Variants in TECTA observed in about 807,000 individuals in gnomAD.
The protein encoded by TECTA is alpha-tectorin.
A neutral mutation model predicts 216.8 loss-of-function variants in TECTA; 128 were observed. The observed-to-expected ratio is 0.59, with a 90% CI of 0.51 to 0.68. TECTA has a LOEUF of 0.68. Ranked by LOEUF, TECTA falls within the 30% of genes least tolerant of loss-of-function variation. The pLI is 0.00. For missense variants in TECTA, 2,551 were observed against 2,786.2 expected (o/e 0.92, Z 1.90); for synonymous variants, 1,089 against 1,117.1 (o/e 0.97, Z 0.50).
Position 121,145,775 on chromosome 11 carries a change from C to T in TECTA, c.3764C>T (p.Pro1255Leu). 6.2e-7 allele frequency: 1 copy of T among 1,614,188 alleles called. No homozygotes were observed. Among genetic ancestry groups the T allele is most frequent in the Non-Finnish European group, 8.5e-7 (1 of 1,180,034 alleles). ...AACCCTGATGATGACCTGGAGATGC[C>T]CATGGGTCTGCTTGCATCGAGTGTC... Reference protein sequence around the residue: ...NGNPDDDLEMPMGLLASSVNE... With the variant: ...NGNPDDDLEMLMGLLASSVNE... The change falls in exon 12 of 24, where the codon CCC becomes CTC. Residue 1255 changes from proline (P) to leucine (L), a missense_variant. By Grantham distance (98) the Pro-to-Leu change is moderately conservative. This residue lies in a region of TECTA where 2,375 missense variants were observed against 2,563.9 expected (regional missense o/e 0.93). Transcript: ENST00000392793.
intron 3 of TECTA, among the ~76,000 whole-genome samples, chr11:121,107,058 G>T (rs1946397323): frequency 1.3e-5 from 2 of 152,238 alleles, no homozygotes; most frequent in African/African-American, 4.8e-5. Context: ...GCCAGTCTGT[G>T]TGTTTTAATT....
At chr11:121,146,140 C>T (rs1236539866) in intron 12 of TECTA, 24 bp downstream of exon 12, 5 of 1,600,134 alleles carry the variant, frequency 3.1e-6, no homozygotes, top group Non-Finnish European at 3.4e-6. Context: ...GTTGTCCCTC[C>T]TTGTAGCTTC....
In TECTA at chr11:121,130,117, T is replaced by C. The variant is rs1232201727; in HGVS notation, c.2847T>C (p.Asn949=). The C allele has an allele frequency of 1.2e-6, 2 of 1,612,600 alleles. No homozygotes were observed. Among genetic ancestry groups the C allele is most frequent in the African/African-American group, 2.7e-5 (2 of 74,918 alleles). ...CLFRLCQSGG[N]ESELCDSVAR... ...TCCGCCTGTGCCAGAGTGGGGGCAA[T>C]GAGTCAGAGCTCTGTGACTCTGTGG... The change falls in exon 10 of 24, where the codon AAT becomes AAC. Residue 949 remains asparagine (N), a synonymous_variant. Coordinates refer to ENST00000392793, the MANE Select transcript of TECTA (RefSeq NM_005422.4).
chr11:121,168,195 T>A lies in TECTA; in HGVS notation c.5728T>A (p.Ser1910Thr), dbSNP rs757723080. ...YELDIKISLD[S>T]VVKPMLSVIN... ...GCTGGATATCAAGATCTCCTTGGAT[T>A]CTGTTGTGAAGCCTATGCTAAGGTA... Residue 1910 changes from serine (S) to threonine (T), a missense_variant, in exon 19 of 24, where the codon TCT becomes ACT. Physicochemically the swap from Ser to Thr is moderately conservative, Grantham distance 58 (BLOSUM62 1). Coordinates refer to ENST00000392793, the MANE Select transcript of TECTA (RefSeq NM_005422.4). 2.5e-6 allele frequency: 4 copies of A among 1,614,246 alleles called. No individual in the cohort carries two copies. Among genetic ancestry groups the A allele is most frequent in the Non-Finnish European group, 3.4e-6 (4 of 1,180,038 alleles).
intron 13 of TECTA, among the ~76,000 whole-genome samples, chr11:121,155,470 C>T (rs1946932033): frequency 6.6e-6 from 1 of 152,160 alleles, no homozygotes; most frequent in Non-Finnish European, 1.5e-5. Flanking sequence ...GGAGAGTAGA[C>T]TTAGTTCCAG....
In TECTA at chr11:121,162,094, A is replaced by G. The variant is rs747411403; in HGVS notation, c.4996A>G (p.Asn1666Asp). The G allele has an allele frequency of 1.2e-6, 2 of 1,614,032 alleles. No homozygotes were observed. The highest frequency in any genetic ancestry group is 4.5e-5 in the East Asian group (2 of 44,902). ...MQKRPLAPSC[N>D]ELQFSQYAAM... Reference sequence around the variant, plus strand: ...GACCAGACCTCTTGCCCCCAGCTGCAACGAGCTGCAGTTCTCACAGTATGC... The same window carrying G: ...GACCAGACCTCTTGCCCCCAGCTGCGACGAGCTGCAGTTCTCACAGTATGC... The change falls in exon 16 of 24, where the codon AAC (asparagine) becomes GAC (aspartate). Residue 1666 changes from asparagine (N) to aspartate (D), a missense_variant. Physicochemically the swap from Asn to Asp is conservative, Grantham distance 23. Around this residue, in one of 3 missense-constraint regions of TECTA, gnomAD observed 2,375 missense variants for 2,563.9 expected, o/e 0.93. Transcript: ENST00000392793.
At chr11:121,167,995 A>T in intron 18 of TECTA, 59 bp from the exon 19 acceptor site, 1 of 1,596,574 alleles carries the variant, frequency 6.3e-7, no homozygotes, top group Non-Finnish European at 8.6e-7. Flanking sequence ...TGGATTTGAT[A>T]TGCAAGCTAC....
At chr11:121,169,147 A>T (rs190634329) in intron 20 of TECTA, among the ~76,000 whole-genome samples, 1 of 152,190 alleles carries the variant, frequency 6.6e-6, no homozygotes, top group Non-Finnish European at 1.5e-5. Context: ...ACACAGAAAT[A>T]TATTGGTAGG....
chr11:121,113,804 A>C lies in TECTA; in HGVS notation c.790+86A>C. 2.0e-5 allele frequency: 30 copies of C among 1,492,488 alleles called. No homozygotes were observed. The highest frequency in any genetic ancestry group is 2.8e-5 in the Non-Finnish European group (30 of 1,082,514). 92.5% of individuals were successfully genotyped at this position (1,492,488 alleles called of 1,614,324 possible). A position where few individuals can be genotyped will look rare whatever the true frequency, so the allele number is the denominator to read the frequency against. ...GCTTTTAAGCCACGGGGGCGGACTC[A>C]TTCCTGATGCCTTACTCTTTTGACA... is the stretch of plus-strand genomic sequence containing the variant. On this transcript the variant is annotated intron_variant, in intron 6 of 23. Coordinates refer to ENST00000392793, the MANE Select transcript of TECTA (RefSeq NM_005422.4). This position sits in a 1 kb window ranked among gnomAD's most constrained non-coding sequence, Gnocchi z 4.2.
chr11:121,112,282 T>A (rs1376050361), intron 4 of TECTA, among the ~76,000 whole-genome samples: 5 of 152,248 alleles, frequency 3.3e-5, no homozygotes, highest in African/African-American at 1.2e-4. Flanking sequence ...CAGCATGGAA[T>A]GGCAGTGCTC....
At chr11:121,187,269 G>A (rs1947297142) in intron 20 of TECTA, among the ~76,000 whole-genome samples, 1 of 152,130 alleles carries the variant, frequency 6.6e-6, no homozygotes, top group Non-Finnish European at 1.5e-5. Flanking sequence ...GGCTGGGGTT[G>A]TCTCTTGGCT....
At chr11:121,179,519 T>C (rs750828848) in intron 20 of TECTA, among the ~76,000 whole-genome samples, 5 of 152,170 alleles carry the variant, frequency 3.3e-5, no homozygotes, top group Admixed American at 6.5e-5. Flanking sequence ...AGCTGTTGGG[T>C]AAAATATTCT....
intron 4 of TECTA, among the ~76,000 whole-genome samples, chr11:121,110,993 G>A (rs1439166530): frequency 3.9e-5 from 6 of 152,074 alleles, no homozygotes; most frequent in Non-Finnish European, 5.9e-5. Flanking sequence ...CTTTCATCCC[G>A]TTATTCCATG....
At chr11:121,112,931 A>T (rs556393205) in intron 4 of TECTA, 141 bp from the exon 5 acceptor site, 2 of 949,410 alleles carry the variant, frequency 2.1e-6, no homozygotes, top group East Asian at 2.6e-5. Flanking sequence ...TTCAGAGAGG[A>T]GTCAGAGCTG....
intron 21 of TECTA, among the ~76,000 whole-genome samples, chr11:121,188,618 G>A (rs1334157873): frequency 6.6e-6 from 1 of 152,162 alleles, no homozygotes; most frequent in Non-Finnish European, 1.5e-5. Context: ...CACCACTTAC[G>A]GGCTGGGTCC....
chr11:121,151,574 A>G (rs1195511537), intron 12 of TECTA, among the ~76,000 whole-genome samples: 1 of 152,272 alleles, frequency 6.6e-6, no homozygotes, highest in Non-Finnish European at 1.5e-5. Flanking sequence ...GTATATGCAT[A>G]GAACACTTCT....
At chr11:121,183,128 C>A (rs1947247102) in intron 20 of TECTA, among the ~76,000 whole-genome samples, 1 of 152,124 alleles carries the variant, frequency 6.6e-6, no homozygotes. Context: ...GTGCTTGGAC[C>A]CACCTGCACC....
At chr11:121,144,969 G>A (rs572697265) in intron 11 of TECTA, among the ~76,000 whole-genome samples, 6 of 152,150 alleles carry the variant, frequency 3.9e-5, no homozygotes, top group Non-Finnish European at 1.5e-5. Flanking sequence ...AACCTGCCCT[G>A]GTTACCCAGA....
At chr11:121,184,382 C>A (rs1947260643) in intron 20 of TECTA, among the ~76,000 whole-genome samples, 1 of 152,186 alleles carries the variant, frequency 6.6e-6, no homozygotes, top group African/African-American at 2.4e-5. Context: ...GGAGAGAGCA[C>A]TTCTAACTCC....
Sources: allele counts gnomAD v4.1 joint callset (sites outside exome capture counted in the v4.1 genomes callset), GRCh38; gene constraint gnomAD v4.1.1; regional missense constraint gnomAD v4.1.1; non-coding constraint Gnocchi (gnomAD v3.1); transcripts MANE v1.5; gene names NCBI Gene and HGNC (gene_info 2026-07-23, HGNC 2026-07-21).